The following SYNE1 variants were observed in gnomAD, a reference collection of about 807,000 sequenced individuals.
SYNE1 encodes nesprin-1.
In SYNE1, 616 loss-of-function variants were observed where a neutral mutation model predicts 1,111.0. The ratio of observed to expected loss-of-function variants is 0.55; its 90% CI spans 0.52 to 0.59. SYNE1 has a LOEUF of 0.59. SYNE1 is among the 20% of genes least tolerant of loss of function. SYNE1 has a pLI of 0.00. For missense variants in SYNE1, 10,006 were observed against 10,417.0 expected, an observed-to-expected ratio of 0.96 and a Z score of 1.72; for synonymous variants, 3,855 against 3,825.8, an observed-to-expected ratio of 1.01 and a Z score of -0.28.
At chr6:152,209,472 G>GTTAAAAATAGATCCATAATGGGCCA (rs2077121123) in intron 124 of SYNE1, among the ~76,000 whole-genome samples, 11 of 152,010 alleles carry the variant, frequency 7.2e-5, no homozygotes, top group Admixed American at 4.6e-4. Flanking sequence ...ATAATGGGCC[G>GTTAAAAATAGATCCATAATGGGCCA]GGCCCGGTGA....
chr6:152,182,818 G>T (rs1272084003), intron 128 of SYNE1, among the ~76,000 whole-genome samples: 1 of 152,060 alleles, frequency 6.6e-6, no homozygotes, highest in Non-Finnish European at 1.5e-5. Flanking sequence ...AATTTTGAAA[G>T]GCCACCATGA....
At chr6:152,173,337 T>C (rs1368858042) in intron 130 of SYNE1, among the ~76,000 whole-genome samples, 4 of 152,244 alleles carry the variant, frequency 2.6e-5, no homozygotes, top group Admixed American at 2.6e-4. Flanking sequence ...TTCTATTAGC[T>C]GAGATGTTCA....
At position 152,416,428 on chromosome 6, in the gene SYNE1, T is replaced by G. The variant is rs772627014; in HGVS notation, c.6009A>C (p.Lys2003Asn). ...GGCGGGTAGGTTCTTTCAATCGCTC[T>G]TTGTCAGTCCTTTCTTCAATGTCCT... ...SIEDIEERTD[K>N]ERLKEPTRQA... The change falls in exon 41 of 146, where the codon AAA (lysine) becomes AAC (asparagine). Residue 2003 changes from lysine (K) to asparagine (N), a missense_variant. Physicochemically the swap from Lys to Asn is moderately conservative, Grantham distance 94. Around this residue, in one of 7 missense-constraint regions of SYNE1, gnomAD observed 4,955 missense variants for 5,017.2 expected, o/e 0.99. Transcript: ENST00000367255. 3.2e-5 allele frequency: 51 copies of G among 1,614,092 alleles called. No homozygotes were observed. In the African/African-American group the frequency reaches 4.9e-4, roughly 16 times the overall value.
In SYNE1 at chr6:152,350,739, G is replaced by A. The variant is rs768276234; in HGVS notation, c.11612C>T (p.Pro3871Leu). 1.2e-6 allele frequency: 2 copies of A among 1,613,768 alleles called. No individual in the cohort carries two copies. Among genetic ancestry groups the A allele is most frequent in the Admixed American group, 1.7e-5 (1 of 59,946 alleles). The part of the protein sequence containing the change: ...SLQQTVLSHE[P>L]SVKSVREKGE... ...CTTCTCTCTCACTGACTTTACTGAT[G>A]GTTCATGGGACAGCACCGTTTGTTG... Residue 3871 changes from proline to leucine, a missense_variant, in exon 71 of 146, where the codon CCA becomes CTA. Around this residue, in one of 7 missense-constraint regions of SYNE1, gnomAD observed 4,955 missense variants for 5,017.2 expected, o/e 0.99. Coordinates refer to ENST00000367255, the MANE Select transcript of SYNE1 (RefSeq NM_182961.4).
At chr6:152,125,517 TAAG>T in intron 145 of SYNE1, 2 of 968,702 alleles carry the variant, frequency 2.1e-6, no homozygotes, top group South Asian at 2.3e-5. Flanking sequence ...TAAAGTGTCT[TAAG>T]AAGGATAGGA....
intron 91 of SYNE1, 160 bp from the exon 92 acceptor site, chr6:152,302,223 C>A: frequency 4.3e-6 from 4 of 928,592 alleles, no homozygotes; most frequent in Non-Finnish European, 6.7e-6. Context: ...ATCTCGCTAC[C>A]GAGCCAGACC....
chr6:152,534,235 A>G (rs1253260763), intron 4 of SYNE1, among the ~76,000 whole-genome samples: 108 of 152,090 alleles, frequency 7.1e-4, no homozygotes, highest in Admixed American at 7.1e-3. Flanking sequence ...TATATTTCTA[A>G]AGAAGGAACT....
At chr6:152,402,718 T>A (rs966216720) in intron 46 of SYNE1, 7 of 151,586 alleles carry the variant, frequency 4.6e-5, no homozygotes, top group African/African-American at 1.7e-4. Context: ...TAGGGGTGCA[T>A]GTATGTGCAC....
At chr6:152,419,304 T>C (rs1250930074) in intron 40 of SYNE1, among the ~76,000 whole-genome samples, 2 of 152,232 alleles carry the variant, frequency 1.3e-5, no homozygotes, top group Non-Finnish European at 2.9e-5. Flanking sequence ...CTTATCACTT[T>C]ATCCTAGCAA....
At chr6:152,340,593 A>T (rs1341024042) in intron 74 of SYNE1, among the ~76,000 whole-genome samples, 1 of 152,072 alleles carries the variant, frequency 6.6e-6, no homozygotes, top group Non-Finnish European at 1.5e-5. Context: ...CATCTCCTCC[A>T]CCCCAGTTGT....
intron 106 of SYNE1, among the ~76,000 whole-genome samples, chr6:152,243,361 A>AAT (rs150823194): frequency 9.6e-4 from 146 of 152,354 alleles, no homozygotes; most frequent in Non-Finnish European, 1.6e-3. Flanking sequence ...TTAAGAAGGC[A>AAT]ATATTTTTGC....
At chr6:152,310,041 A>G (rs775292243) in intron 89 of SYNE1, 24 bp from the exon 90 acceptor site, 5 of 1,605,814 alleles carry the variant, frequency 3.1e-6, no homozygotes, top group Non-Finnish European at 4.2e-6. Flanking sequence ...TTCATAGTTC[A>G]AAAATTTAAT....
intron 17 of SYNE1, among the ~76,000 whole-genome samples, chr6:152,465,766 T>TACACAC (rs71017538): frequency 4.5e-4 from 60 of 133,466 alleles, no homozygotes; most frequent in Admixed American, 2.1e-3. Flanking sequence ...GAAGAACACA[T>TACACAC]ACACACACAC....
chr6:152,362,244 C>T lies in SYNE1; in HGVS notation c.10225G>A (p.Glu3409Lys), dbSNP rs1554541299. Residue 3409 changes from glutamate (E) to lysine (K), a missense_variant, in exon 64 of 146, where the codon GAA becomes AAA. This residue lies in a region of SYNE1 where 4,955 missense variants were observed against 5,017.2 expected (regional missense o/e 0.99). Coordinates refer to ENST00000367255, the MANE Select transcript of SYNE1 (RefSeq NM_182961.4). ...CTTTCTGATTCATTCAGGTTGGCTT[C>T]CATACTATCCATCCAACCGGAGAAC... ...RQFSGWMDSM[E>K]ANLNESERQH... The T allele has an allele frequency of 1.2e-6, 2 of 1,614,192 alleles. No homozygotes were observed. The highest frequency in any genetic ancestry group is 1.7e-6 in the Non-Finnish European group (2 of 1,180,036).
At chr6:152,454,669 T>C (rs191718023) in intron 24 of SYNE1, among the ~76,000 whole-genome samples, 71 of 152,328 alleles carry the variant, frequency 4.7e-4, no homozygotes, top group Non-Finnish European at 8.7e-4. Flanking sequence ...AGAATTATTT[T>C]GTAAAAACGG....
chr6:152,257,185 T>C (rs547028724), intron 101 of SYNE1, among the ~76,000 whole-genome samples: 28 of 152,284 alleles, frequency 1.8e-4, no homozygotes, highest in African/African-American at 6.5e-4. Flanking sequence ...ACTGTATACA[T>C]GTATCCAAAC....
rs543092774 is a variant in SYNE1 at position 152,486,135 on chromosome 6, C to T, written c.1048-1163G>A. Reference sequence around the variant, plus strand: ...GCTTGAGCCTGGGAGGCGGAGGTTGCAGTGAGCTGAGATCACGATCATGCC... The same window carrying T: ...GCTTGAGCCTGGGAGGCGGAGGTTGTAGTGAGCTGAGATCACGATCATGCC... On this transcript the variant is annotated intron_variant, in intron 12 of 145. Coordinates refer to ENST00000367255, the MANE Select transcript of SYNE1 (RefSeq NM_182961.4). Among the ~76,000 whole-genome samples the T allele has an allele frequency of 1.6e-4, 24 of 151,916 alleles. No individual in the cohort carries two copies. In the East Asian group the frequency reaches 4.7e-3, roughly 29 times the overall value.
intron 119 of SYNE1, among the ~76,000 whole-genome samples, chr6:152,220,555 C>T (rs1262672497): frequency 6.6e-6 from 1 of 151,962 alleles, no homozygotes; most frequent in African/African-American, 2.4e-5. Context: ...TTATATTGAC[C>T]ACCCTAGAAA....
intron 3 of SYNE1, among the ~76,000 whole-genome samples, chr6:152,569,626 C>A (rs1460163177): frequency 1.3e-5 from 2 of 151,946 alleles, no homozygotes; most frequent in Non-Finnish European, 2.9e-5. Context: ...GGGTCATAAG[C>A]AGCTTTAGGG....
Sources: allele counts gnomAD v4.1 joint callset (sites outside exome capture counted in the v4.1 genomes callset), GRCh38; gene constraint gnomAD v4.1.1; regional missense constraint gnomAD v4.1.1; transcripts MANE v1.5; gene names NCBI Gene and HGNC (gene_info 2026-07-23, HGNC 2026-07-21).